Variants in HPS4 observed in about 807,000 individuals in gnomAD.
The protein encoded by HPS4 is BLOC-3 complex member HPS4.
HPS4 carries 44 observed loss-of-function variants against 70.3 expected under a neutral mutation model. The observed-to-expected ratio is 0.63, with a 90% CI of 0.49 to 0.80. The LOEUF is 0.80. HPS4 is among the 30% of genes least tolerant of loss of function. The pLI is 0.00. For missense variants in HPS4, 873 were observed against 884.4 expected (o/e 0.99, Z 0.16); for synonymous variants, 377 against 355.9 (o/e 1.06, Z -0.67).
At chr22:26,463,790 G>A in intron 11 of HPS4, 127 bp downstream of exon 11, 1 of 1,002,140 alleles carries the variant, frequency 1.0e-6, no homozygotes, top group Non-Finnish European at 1.5e-6. Context: ...AGAACGTCTT[G>A]CCCAGGGTCA....
In HPS4 at chr22:26,464,050, G is replaced by C. The variant is rs1390630030; in HGVS notation, c.1580C>G (p.Ser527Cys). Residue 527 changes from serine (S) to cysteine (C), a missense_variant, in exon 11 of 14, where the codon TCC becomes TGC. Ser to Cys is a moderately radical substitution (Grantham distance 112, BLOSUM62 -1). Coordinates refer to ENST00000398145, the MANE Select transcript of HPS4 (RefSeq NM_022081.6). The stretch of plus-strand genomic sequence containing the variant: ...GCAGGACTCTGCTGGTGTCAGCCTG[G>C]AGCTGATTCCATCTGCAGAGGGGCC... ...GAGPSADGIS[S>C]RLTPAESCMG... 1 of 1,614,238 alleles carries C rather than the reference G, an allele frequency of 6.2e-7. No homozygotes were observed. The highest frequency in any genetic ancestry group is 1.7e-5 in the Admixed American group (1 of 60,032).
At position 26,481,829 on chromosome 22, in the gene HPS4, A is replaced by G; in HGVS notation, c.-67T>C. On this transcript the variant is annotated 5_prime_UTR_variant, in exon 2 of 14. Transcript: ENST00000398145. ...TTTCCGGTATCACTTCTTTCTCCCT[A>G]GCTGTGACCGTTCCTCTATCCCCCA... 1 of 1,487,688 alleles carries G rather than the reference A, an allele frequency of 6.7e-7. No homozygotes were observed. Among genetic ancestry groups the G allele is most frequent in the Non-Finnish European group, 9.4e-7 (1 of 1,065,158 alleles). 92.2% of individuals were successfully genotyped at this position (1,487,688 alleles called of 1,614,324 possible).
rs1431169175 is a variant in HPS4 at position 26,450,900 on chromosome 22, CA to C, written c.*2332del. On this transcript the variant is annotated 3_prime_UTR_variant, in exon 14 of 14. Transcript: ENST00000398145. The stretch of plus-strand genomic sequence containing the variant: ...AAACCTCTTTCCTTTATAAAGTACC[CA>C]GTCTCGGGTATGTCTTTATTAGAAC... Among the ~76,000 whole-genome samples, 1 of 152,216 alleles carries C rather than the reference CA, an allele frequency of 6.6e-6. No individual in the cohort carries two copies. Among genetic ancestry groups the C allele is most frequent in the Non-Finnish European group, 1.5e-5 (1 of 68,038 alleles).
At chr22:26,446,281 A>T (rs570981464), downstream of HPS4, among the ~76,000 whole-genome samples, 7 of 151,942 alleles carry the variant, frequency 4.6e-5, no homozygotes, top group East Asian at 1.4e-3. Flanking sequence ...CTGATCCCAA[A>T]CCCTTTCTCC....
At chr22:26,472,714 C>T (rs941170002) in intron 5 of HPS4, 118 bp downstream of exon 5, 7 of 871,578 alleles carry the variant, frequency 8.0e-6, no homozygotes, top group Middle Eastern at 4.3e-4. Context: ...CTGACCTTGT[C>T]CCCAGACACA....
intron 11 of HPS4, among the ~76,000 whole-genome samples, chr22:26,461,161 AG>A (rs2087182560): frequency 6.6e-6 from 1 of 152,242 alleles, no homozygotes; most frequent in African/African-American, 2.4e-5. Context: ...AGCGTGCAGC[AG>A]GAGCAATGCA....
chr22:26,457,309 C>T (rs553877673), intron 13 of HPS4, among the ~76,000 whole-genome samples: 5 of 151,306 alleles, frequency 3.3e-5, no homozygotes, highest in African/African-American at 4.9e-5. Flanking sequence ...CTCTGCCACC[C>T]GGGTTCAAGT....
intron 6 of HPS4, 170 bp from the exon 7 acceptor site, chr22:26,470,983 T>A: frequency 7.1e-7 from 1 of 1,405,696 alleles, no homozygotes. Flanking sequence ...CTATTCTACC[T>A]CTCTATACTC....
At chr22:26,462,077 G>C (rs986036406) in intron 11 of HPS4, among the ~76,000 whole-genome samples, 6 of 148,456 alleles carry the variant, frequency 4.0e-5, no homozygotes, top group Non-Finnish European at 7.4e-5. Context: ...AGTGAGCTCA[G>C]ATCACACCAT....
At chr22:26,479,999 A>G (rs922566176) in intron 2 of HPS4, among the ~76,000 whole-genome samples, 1 of 152,072 alleles carries the variant, frequency 6.6e-6, no homozygotes, top group African/African-American at 2.4e-5. Flanking sequence ...TTCCTCATTA[A>G]CCGTCTCCTG....
intron 11 of HPS4, among the ~76,000 whole-genome samples, chr22:26,460,277 A>T (rs1367546961): frequency 6.6e-6 from 1 of 152,252 alleles, no homozygotes; most frequent in African/African-American, 2.4e-5. Context: ...GTAAAAAGAT[A>T]TGTGCTCAGG....
intron 11 of HPS4, among the ~76,000 whole-genome samples, chr22:26,462,301 G>A (rs537818348): frequency 6.6e-6 from 1 of 152,280 alleles, no homozygotes; most frequent in Non-Finnish European, 1.5e-5. Context: ...CATAGAGCAC[G>A]AGCCACAGAA....
chr22:26,458,693 A>G, intron 11 of HPS4, 116 bp from the exon 12 acceptor site: 1 of 1,241,716 alleles, frequency 8.1e-7, no homozygotes, highest in East Asian at 2.6e-5. Flanking sequence ...ACGGTGGCTC[A>G]CACCTGTAAT....
chr22:26,465,472 C>G lies in HPS4; in HGVS notation c.786G>C (p.Pro262=). 1 of 1,612,270 alleles carries G rather than the reference C, an allele frequency of 6.2e-7. No homozygotes were observed. Among genetic ancestry groups the G allele is most frequent in the Non-Finnish European group, 8.5e-7 (1 of 1,178,344 alleles). The change falls in exon 10 of 14, where the codon CCG becomes CCC. Residue 262 remains proline, a synonymous_variant. Coordinates refer to ENST00000398145, the MANE Select transcript of HPS4 (RefSeq NM_022081.6). ...KEEAISLHEF[P]VEQMTRSLAS... ...TCCATTACCTTGTCATCTGTTCCAC[C>G]GGGAACTCGTGGAGACTAATGGCTT...
At chr22:26,463,461 C>A (rs1601888616) in intron 11 of HPS4, among the ~76,000 whole-genome samples, 1 of 152,182 alleles carries the variant, frequency 6.6e-6, no homozygotes, top group Non-Finnish European at 1.5e-5. Context: ...CATGCACGTA[C>A]GTGTGCAGTC....
At position 26,452,242 on chromosome 22, in the gene HPS4, G is replaced by A. The variant is rs1186787401; in HGVS notation, c.*991C>T. The A allele has an allele frequency of 2.4e-6, 1 of 413,876 alleles. No homozygotes were observed. Among genetic ancestry groups the A allele is most frequent in the Non-Finnish European group, 4.8e-6 (1 of 207,420 alleles). The allele number at this position is 413,876 out of a possible 1,614,324, so 25.6% of individuals were successfully genotyped here. ...TCAAATGGAATCTCAAGTACTTCCA[G>A]TAAACATTCAGTTAAGATTTTGACA... On this transcript the variant is annotated 3_prime_UTR_variant, in exon 14 of 14. Coordinates refer to ENST00000398145, the MANE Select transcript of HPS4 (RefSeq NM_022081.6).
In HPS4 at chr22:26,464,016, G is replaced by C. The variant is rs748133574; in HGVS notation, c.1614C>G (p.Leu538=). 2 of 1,614,218 alleles carry C rather than the reference G, an allele frequency of 1.2e-6. No homozygotes were observed. Reference sequence around the variant, plus strand: ...AGTGAGTGTAGAGATTCATCCTCACGAGCCCCATGCAGGACTCTGCTGGTG... The same window carrying C: ...AGTGAGTGTAGAGATTCATCCTCACCAGCCCCATGCAGGACTCTGCTGGTG... ...RLTPAESCMG[L]VRMNLYTHCV... The change falls in exon 11 of 14, where the codon CTC becomes CTG. Residue 538 remains leucine (L), a synonymous_variant. Transcript: ENST00000398145.
At position 26,458,498 on chromosome 22, in the gene HPS4, G is replaced by C; in HGVS notation, c.1793C>G (p.Thr598Arg). 1.2e-6 allele frequency: 2 copies of C among 1,614,154 alleles called. No homozygotes were observed. The highest frequency in any genetic ancestry group is 1.7e-6 in the Non-Finnish European group (2 of 1,180,012). ...ETLPRDEAAS[T>R]SSTYNFTHYD... ...ATGTGTGAAGTTGTAGGTGCTGCTC[G>C]TGGAGGCTGCCTCATCCCTGGGCAG... Residue 598 changes from threonine to arginine, a missense_variant, in exon 12 of 14, where the codon ACG (threonine) becomes AGG (arginine). Thr to Arg is a moderately conservative substitution (Grantham distance 71). Transcript: ENST00000398145.
rs2088181180 is a variant in HPS4 at position 26,464,846 on chromosome 22, T to A, written c.804-20A>T. On this transcript the variant is annotated intron_variant, in intron 10 of 13. Transcript: ENST00000398145. ...AGAGACCTGGCAAACAAGAGAGATG[T>A]AAGGAAGGGGCACGTTGACAGACTG... 3.2e-6 allele frequency: 5 copies of A among 1,583,124 alleles called. No individual in the cohort carries two copies. The East Asian group carries it at 8.9e-5, about 28-fold the overall frequency.
Sources: allele counts gnomAD v4.1 joint callset (sites outside exome capture counted in the v4.1 genomes callset), GRCh38; gene constraint gnomAD v4.1.1; transcripts MANE v1.5; gene names NCBI Gene and HGNC (gene_info 2026-07-23, HGNC 2026-07-21).